The following MINDY2 variants were observed in gnomAD, a reference collection of about 807,000 sequenced individuals.
The protein encoded by MINDY2 is MINDY lysine 48 deubiquitinase 2, also known as ubiquitin carboxyl-terminal hydrolase MINDY-2.
MINDY2 carries 52 observed loss-of-function variants against 68.2 expected under a neutral mutation model. The ratio of observed to expected loss-of-function variants is 0.76; its 90% CI spans 0.61 to 0.96. The LOEUF (loss-of-function observed/expected upper bound fraction) is 0.96. Ranked by LOEUF, MINDY2 falls within the 40% of genes least tolerant of loss-of-function variation. The pLI is 0.00. For synonymous variants in MINDY2, 372 were observed against 303.0 expected (o/e 1.23, Z -2.36); for missense variants, 881 against 773.4 (o/e 1.14, Z -1.65).
intron 7 of MINDY2, 62 bp downstream of exon 7, chr15:58,847,532 A>T: frequency 7.2e-7 from 1 of 1,393,920 alleles, no homozygotes; most frequent in Admixed American, 2.3e-5. Flanking sequence ...ATGTGAATTC[A>T]TGTATCCAAA....
chr15:58,777,714 AT>A, intron 1 of MINDY2, among the ~76,000 whole-genome samples: 1 of 152,296 alleles, frequency 6.6e-6, no homozygotes, highest in African/African-American at 2.4e-5. Flanking sequence ...ATTACATTTA[AT>A]TCGAGCTCAA....
intron 8 of MINDY2, among the ~76,000 whole-genome samples, chr15:58,853,679 G>A (rs2032939949): frequency 6.6e-6 from 1 of 151,798 alleles, no homozygotes; most frequent in Non-Finnish European, 1.5e-5. Context: ...AATTAGCTGG[G>A]TGTGGTGGCG....
intron 6 of MINDY2, 102 bp downstream of exon 6, chr15:58,832,018 ATTTC>A: frequency 9.6e-7 from 1 of 1,043,572 alleles, no homozygotes; most frequent in Non-Finnish European, 1.3e-6. Context: ...TTAGCGTAAT[ATTTC>A]TTAACCATCA....
intron 3 of MINDY2, among the ~76,000 whole-genome samples, chr15:58,803,961 A>C (rs1468659325): frequency 7.3e-5 from 11 of 150,606 alleles, no homozygotes; most frequent in African/African-American, 2.7e-4. Flanking sequence ...AAAAAAAAAA[A>C]AAAAAAAATA....
At position 58,821,830 on chromosome 15, in the gene MINDY2, G is replaced by C. The variant is rs1236845528; in HGVS notation, c.1225+11G>C. 2 of 1,542,870 alleles carry C rather than the reference G, an allele frequency of 1.3e-6. No homozygotes were observed. Among genetic ancestry groups the C allele is most frequent in the Non-Finnish European group, 8.8e-7 (1 of 1,138,524 alleles). On this transcript the variant is annotated intron_variant, in intron 5 of 8. Coordinates refer to ENST00000559228, the MANE Select transcript of MINDY2 (RefSeq NM_001040450.3). ...AGCTGGTTAGTGAAGGTGGGTGAGT[G>C]CTGCTATTTCCTGACTTTTGAAATT...
At chr15:58,789,729 C>A (rs1363098364) in intron 2 of MINDY2, among the ~76,000 whole-genome samples, 2 of 152,154 alleles carry the variant, frequency 1.3e-5, no homozygotes, top group Non-Finnish European at 2.9e-5. Flanking sequence ...CTCACCGCAA[C>A]CTCCACCTCC....
At chr15:58,817,281 A>G (rs1177335836) in intron 4 of MINDY2, among the ~76,000 whole-genome samples, 1 of 152,176 alleles carries the variant, frequency 6.6e-6, no homozygotes, top group African/African-American at 2.4e-5. Flanking sequence ...TAGCCCAGCC[A>G]AAAAAAGGAG....
intron 4 of MINDY2, among the ~76,000 whole-genome samples, chr15:58,821,195 A>G (rs756867485): frequency 4.6e-5 from 7 of 151,922 alleles, no homozygotes; most frequent in South Asian, 2.1e-4. Flanking sequence ...GGAAAATAAC[A>G]TTAGTTATCT....
intron 4 of MINDY2, among the ~76,000 whole-genome samples, chr15:58,811,378 A>T (rs1292800564): frequency 6.6e-6 from 1 of 152,216 alleles, no homozygotes; most frequent in Non-Finnish European, 1.5e-5. Context: ...TCCTGGCAGG[A>T]AGTAGACGAC....
At chr15:58,830,795 G>A (rs1595760528) in intron 5 of MINDY2, among the ~76,000 whole-genome samples, 1 of 152,062 alleles carries the variant, frequency 6.6e-6, no homozygotes, top group Non-Finnish European at 1.5e-5. Context: ...TACAGTATGC[G>A]AGAGAGCTGA....
At chr15:58,793,103 G>A (rs1240517859) in intron 2 of MINDY2, among the ~76,000 whole-genome samples, 1 of 152,308 alleles carries the variant, frequency 6.6e-6, no homozygotes, top group Middle Eastern at 3.4e-3. Context: ...GGTGAAATGG[G>A]GGTTGACTGC....
At chr15:58,789,965 G>C (rs1034213207) in intron 2 of MINDY2, among the ~76,000 whole-genome samples, 4 of 151,874 alleles carry the variant, frequency 2.6e-5, no homozygotes, top group Non-Finnish European at 5.9e-5. Flanking sequence ...TTTTTGTAGA[G>C]ATTGGGTTTC....
intron 2 of MINDY2, among the ~76,000 whole-genome samples, chr15:58,792,130 C>T (rs1479205642): frequency 6.6e-6 from 1 of 152,040 alleles, no homozygotes; most frequent in African/African-American, 2.4e-5. Flanking sequence ...GAAAACCTGA[C>T]TGGAAACAAG....
At chr15:58,809,509 A>C (rs2030068672) in intron 3 of MINDY2, among the ~76,000 whole-genome samples, 1 of 152,178 alleles carries the variant, frequency 6.6e-6, no homozygotes. Context: ...AATTATGAAT[A>C]ATGTTGCAAT....
At chr15:58,773,512 A>G (rs1263192072) in intron 1 of MINDY2, among the ~76,000 whole-genome samples, 1 of 152,218 alleles carries the variant, frequency 6.6e-6, no homozygotes, top group African/African-American at 2.4e-5. Context: ...TTGAGGTGGC[A>G]TCATTAACTT....
At chr15:58,788,651 T>C (rs2140920825) in intron 2 of MINDY2, among the ~76,000 whole-genome samples, 1 of 152,316 alleles carries the variant, frequency 6.6e-6, no homozygotes, top group African/African-American at 2.4e-5. Flanking sequence ...AATAAGAATT[T>C]ATATATTTAT....
intron 1 of MINDY2, among the ~76,000 whole-genome samples, chr15:58,782,047 G>T (rs1169177621): frequency 6.6e-6 from 1 of 152,016 alleles, no homozygotes; most frequent in African/African-American, 2.4e-5. Flanking sequence ...TGTAAAACAT[G>T]TGTAATAGCT....
chr15:58,786,801 A>AT (rs1901533083), intron 1 of MINDY2, among the ~76,000 whole-genome samples: 1 of 151,920 alleles, frequency 6.6e-6, no homozygotes, highest in African/African-American at 2.4e-5. Context: ...CATAATCTTG[A>AT]TTTTTTATAG....
intron 5 of MINDY2, among the ~76,000 whole-genome samples, chr15:58,826,762 T>G (rs2031422636): frequency 6.6e-6 from 1 of 152,190 alleles, no homozygotes; most frequent in African/African-American, 2.4e-5. Context: ...GCTTTTAATT[T>G]TTTTCAATGG....
Sources: allele counts gnomAD v4.1 joint callset (sites outside exome capture counted in the v4.1 genomes callset), GRCh38; gene constraint gnomAD v4.1.1; transcripts MANE v1.5; gene names NCBI Gene and HGNC (gene_info 2026-07-23, HGNC 2026-07-21).